PCDHGB3: variants seen among roughly 807,000 people sequenced by gnomAD.
PCDHGB3 encodes protocadherin gamma-B3.
A neutral mutation model predicts 59.2 loss-of-function variants in PCDHGB3; 40 were observed. The ratio of observed to expected loss-of-function variants is 0.68; its 90% CI spans 0.52 to 0.88. The LOEUF (loss-of-function observed/expected upper bound fraction) is 0.88. PCDHGB3 is among the 40% of genes least tolerant of loss of function. The pLI, the probability that PCDHGB3 is intolerant of heterozygous loss-of-function variation, is 0.00. For synonymous variants in PCDHGB3, 581 were observed against 503.6 expected (o/e 1.15, Z -2.06); for missense variants, 1,309 against 1,187.9 (o/e 1.10, Z -1.50).
intron 1 of PCDHGB3, chr5:141,393,816 A>T: frequency 6.2e-7 from 1 of 1,613,988 alleles, no homozygotes; most frequent in South Asian, 1.1e-5. Context: ...CAAATTGCTC[A>T]TTTCGGTGGA....
intron 1 of PCDHGB3, chr5:141,433,013 AC>A: frequency 6.2e-7 from 1 of 1,614,018 alleles, no homozygotes; most frequent in Non-Finnish European, 8.5e-7. Flanking sequence ...TTTCCTGCAG[AC>A]CTATTCCCAC....
rs369851570 is a variant in PCDHGB3, at chr5:141,408,393, G to T, written c.2415+35584G>T. 1.7e-5 allele frequency: 28 copies of T among 1,613,918 alleles called. No individual in the cohort carries two copies. In the Admixed American group the frequency reaches 2.2e-4, roughly 12 times the overall value. On this transcript the variant is annotated intron_variant, in intron 1 of 3. Coordinates refer to ENST00000576222, the MANE Select transcript of PCDHGB3 (RefSeq NM_018924.5). Reference sequence around the variant, plus strand: ...CTCAGTGTCCTGGATGTGTCGGCTCGCAAGCTGCGAGTGAGCGCGGAGAAG... The same window carrying T: ...CTCAGTGTCCTGGATGTGTCGGCTCTCAAGCTGCGAGTGAGCGCGGAGAAG...
rs779287151 is a variant in PCDHGB3, at chr5:141,384,468, G to A, written c.2415+11659G>A. 8.7e-6 allele frequency: 14 copies of A among 1,613,988 alleles called. No homozygotes were observed. The Admixed American group carries it at 2.0e-4, about 23-fold the overall frequency. On this transcript the variant is annotated intron_variant, in intron 1 of 3. Coordinates refer to ENST00000576222, the MANE Select transcript of PCDHGB3 (RefSeq NM_018924.5). ...ACGCGCTGCAATCCTTTGATTATGA[G>A]CAGTTGAGAGAACTACAACTAAGAG...
rs961341807 is a variant in PCDHGB3 at position 141,486,262 on chromosome 5, A to G, written c.2416-8545A>G. The G allele has an allele frequency of 6.2e-6, 10 of 1,613,912 alleles. No individual in the cohort carries two copies. Among genetic ancestry groups the G allele is most frequent in the Non-Finnish European group, 8.5e-6 (10 of 1,179,986 alleles). On this transcript the variant is annotated intron_variant, in intron 1 of 3. Transcript: ENST00000576222. This position sits in a 1 kb window ranked among gnomAD's most constrained non-coding sequence, Gnocchi z 5.0. ...AGCTTGGAACCCTCCCCGAGAGTGC[A>G]GAACCTGGCACTGTGGTGGCACTTA...
intron 1 of PCDHGB3, among the ~76,000 whole-genome samples, chr5:141,373,507 A>T (rs1769637375): frequency 6.6e-6 from 1 of 152,236 alleles, no homozygotes; most frequent in Non-Finnish European, 1.5e-5. Flanking sequence ...TGGGAGACAG[A>T]GCGAGACTTT....
In PCDHGB3 at chr5:141,490,442, A is replaced by T. The variant is rs757900187; in HGVS notation, c.2416-4365A>T. On this transcript the variant is annotated intron_variant, in intron 1 of 3. Transcript: ENST00000576222. The surrounding 1 kb of genome is among the most constrained non-coding windows in gnomAD (Gnocchi z 5.4). ...CTGCCATTTCAGATTAAGCCTTCTG[A>T]GAACCACTACTCGCTGCTAACCAGC... 16 of 1,614,092 alleles carry T rather than the reference A, an allele frequency of 9.9e-6. No individual in the cohort carries two copies. Among genetic ancestry groups the T allele is most frequent in the Non-Finnish European group, 1.2e-5 (14 of 1,180,044 alleles).
intron 1 of PCDHGB3, chr5:141,389,710 C>T: frequency 6.2e-7 from 1 of 1,612,586 alleles, no homozygotes; most frequent in Non-Finnish European, 8.5e-7. Flanking sequence ...GTGCTGCAGG[C>T]TAGCGAGCCC....
chr5:141,494,751 G>A, intron 1 of PCDHGB3, 56 bp from the exon 2 acceptor site: 2 of 1,613,426 alleles, frequency 1.2e-6, no homozygotes, highest in Non-Finnish European at 8.5e-7. Flanking sequence ...AGGGGCTCGG[G>A]TGACATTCTA....
rs1345224043 is a variant in PCDHGB3, at chr5:141,487,695, C to G, written c.2416-7112C>G. Reference sequence around the variant, plus strand: ...TGGCTAGGCCATGTCCTAGAGAGTACTGGCCTCTCAGTAAGTGCCCATAGT... The same window carrying G: ...TGGCTAGGCCATGTCCTAGAGAGTAGTGGCCTCTCAGTAAGTGCCCATAGT... On this transcript the variant is annotated intron_variant, in intron 1 of 3. Transcript: ENST00000576222. The surrounding 1 kb of genome is among the most constrained non-coding windows in gnomAD (Gnocchi z 5.0). 1 of 1,601,306 alleles carries G rather than the reference C, an allele frequency of 6.2e-7. No individual in the cohort carries two copies.
intron 1 of PCDHGB3, chr5:141,414,389 A>G: frequency 1.9e-6 from 3 of 1,613,926 alleles, no homozygotes; most frequent in African/African-American, 2.7e-5. Context: ...ATTGACAGTT[A>G]TTACAGATTG....
intron 3 of PCDHGB3, among the ~76,000 whole-genome samples, chr5:141,505,926 G>T (rs114056147): frequency 6.6e-6 from 1 of 152,146 alleles, no homozygotes; most frequent in African/African-American, 2.4e-5. Flanking sequence ...TGGGCCTGGC[G>T]CTTGGAAGCC....
rs895234762 is a variant in PCDHGB3 at position 141,476,911 on chromosome 5, A to G, written c.2416-17896A>G. 4 of 1,613,972 alleles carry G rather than the reference A, an allele frequency of 2.5e-6. No individual in the cohort carries two copies. The African/African-American group carries it at 4.0e-5, about 16-fold the overall frequency. On this transcript the variant is annotated intron_variant, in intron 1 of 3. Transcript: ENST00000576222. This position sits in a 1 kb window ranked among gnomAD's most constrained non-coding sequence, Gnocchi z 7.6. ...CACCCTCCGGCACGCGCGTGGTACA[A>G]GTCCTTGCAACGGATCTGGATGAAG...
At chr5:141,449,282 G>A (rs1285842278) in intron 1 of PCDHGB3, among the ~76,000 whole-genome samples, 17 of 152,002 alleles carry the variant, frequency 1.1e-4, no homozygotes, top group Admixed American at 4.6e-4. Context: ...CCTTCACCCG[G>A]ATGCACCGGG....
intron 1 of PCDHGB3, among the ~76,000 whole-genome samples, chr5:141,462,012 G>A (rs1046109009): frequency 9.9e-5 from 15 of 152,128 alleles, no homozygotes; most frequent in Admixed American, 5.9e-4. Context: ...TAATAGAGAC[G>A]GGGTTTCTTC....
In PCDHGB3 at chr5:141,384,701, A is replaced by G. The variant is rs775540555; in HGVS notation, c.2415+11892A>G. On this transcript the variant is annotated intron_variant, in intron 1 of 3. Transcript: ENST00000576222. ...GCGGTGGACAAAGATTCAGGCCAGA[A>G]CGCCTGGCTGTCATACCTCCTGCTT... is the stretch of plus-strand genomic sequence containing the variant. The G allele has an allele frequency of 8.7e-6, 14 of 1,614,138 alleles. No homozygotes were observed. In the South Asian group the frequency reaches 1.2e-4, roughly 14 times the overall value.
Position 141,432,097 on chromosome 5 carries a change from C to G in PCDHGB3, c.2415+59288C>G. ...TCTCGCTGAACGTGGCAGACACCAA[C>G]GACAACCCGCCGGTCTTCCCTCAGG... On this transcript the variant is annotated intron_variant, in intron 1 of 3. Transcript: ENST00000576222. This position sits in a 1 kb window ranked among gnomAD's most constrained non-coding sequence, Gnocchi z 6.0. The G allele has an allele frequency of 6.2e-7, 1 of 1,614,184 alleles. No homozygotes were observed.
chr5:141,404,828 G>T, intron 1 of PCDHGB3: 1 of 1,609,938 alleles, frequency 6.2e-7, no homozygotes, highest in Non-Finnish European at 8.5e-7. Flanking sequence ...CACAGGTGAA[G>T]TGCGCACAGC....
rs756146067 is a variant in PCDHGB3, at chr5:141,477,534, G to C, written c.2416-17273G>C. On this transcript the variant is annotated intron_variant, in intron 1 of 3. Transcript: ENST00000576222. This position sits in a 1 kb window ranked among gnomAD's most constrained non-coding sequence, Gnocchi z 4.9. ...TACATTGAAGAAAACAACCTCCCCG[G>C]GGCTCCAATACTAAACCTAAGTGTC... 1.9e-6 allele frequency: 3 copies of C among 1,614,008 alleles called. No homozygotes were observed. Among genetic ancestry groups the C allele is most frequent in the East Asian group, 4.5e-5 (2 of 44,870 alleles).
intron 1 of PCDHGB3, among the ~76,000 whole-genome samples, chr5:141,470,290 C>T (rs1226383020): frequency 1.3e-5 from 2 of 152,148 alleles, no homozygotes; most frequent in Non-Finnish European, 2.9e-5. Context: ...TATTGGTTAA[C>T]TGTTTTTATT....
Sources: gnomAD v4.1 joint callset for allele counts (sites outside exome capture counted in the v4.1 genomes callset) on GRCh38, gnomAD v4.1.1 for gene constraint, Gnocchi (gnomAD v3.1) non-coding constraint, MANE v1.5 for transcripts, NCBI Gene and HGNC (gene_info 2026-07-23, HGNC 2026-07-21) for gene names.